The following RSPO2 variants were observed in gnomAD, a reference collection of about 807,000 sequenced individuals.
The protein encoded by RSPO2 is R-spondin-2.
RSPO2 carries 14 observed loss-of-function variants against 30.9 expected under a neutral mutation model. The ratio of observed to expected loss-of-function variants is 0.45; its 90% CI spans 0.30 to 0.71. The LOEUF (loss-of-function observed/expected upper bound fraction) is 0.71, where lower values mean the gene tolerates loss of function less well. Ranked by LOEUF, RSPO2 falls within the 30% of genes least tolerant of loss-of-function variation. The pLI is 0.08. For synonymous variants in RSPO2, 107 were observed against 96.4 expected (o/e 1.11, Z -0.64); for missense variants, 264 against 301.9 (o/e 0.87, Z 0.93).
Position 107,960,788 on chromosome 8 carries a change from A to C in RSPO2, c.313T>G (p.Phe105Val). 6.2e-7 allele frequency: 1 copy of C among 1,607,442 alleles called. No individual in the cohort carries two copies. Among genetic ancestry groups the C allele is most frequent in the Non-Finnish European group, 8.5e-7 (1 of 1,178,206 alleles). The change falls in exon 4 of 6, where the codon TTT (phenylalanine) becomes GTT (valine). Residue 105 changes from phenylalanine to valine, a missense_variant. Phe to Val is a conservative substitution (Grantham distance 50). Coordinates refer to ENST00000276659, the MANE Select transcript of RSPO2 (RefSeq NM_178565.5). Reference sequence around the variant, plus strand: ...CACTTGGTACAAAAGTCTTTGCTAAAGCAAGAATCACAGTTTTCTATTCTG... The same window carrying C: ...CACTTGGTACAAAAGTCTTTGCTAACGCAAGAATCACAGTTTTCTATTCTG... ...RCRIENCDSC[F>V]SKDFCTKCKV... is the part of the protein sequence containing the mutation.
intron 2 of RSPO2, among the ~76,000 whole-genome samples, chr8:108,006,469 T>C (rs767862917): frequency 2.0e-5 from 3 of 152,066 alleles, no homozygotes; most frequent in Non-Finnish European, 4.4e-5. Flanking sequence ...TTTTGGTCTG[T>C]TAAAAATAGG....
intron 2 of RSPO2, among the ~76,000 whole-genome samples, chr8:108,077,551 G>GA (rs1224328552): frequency 1.3e-5 from 2 of 151,774 alleles, no homozygotes; most frequent in Non-Finnish European, 2.9e-5. Flanking sequence ...AAAAGGACTA[G>GA]AAAAAAATGA....
At chr8:108,081,969 G>T (rs1276477091) in intron 2 of RSPO2, 9 of 981,050 alleles carry the variant, frequency 9.2e-6, no homozygotes, top group Non-Finnish European at 1.1e-5. Context: ...ATCTATGTTG[G>T]CCTTTTTCTG....
chr8:107,985,665 A>C (rs1026936931), intron 3 of RSPO2, among the ~76,000 whole-genome samples: 7 of 152,176 alleles, frequency 4.6e-5, no homozygotes, highest in African/African-American at 1.7e-4. Flanking sequence ...TACTTTTCTA[A>C]GTTTTCTACA....
intron 5 of RSPO2, among the ~76,000 whole-genome samples, chr8:107,920,686 T>G (rs562426718): frequency 6.6e-6 from 1 of 152,140 alleles, no homozygotes; most frequent in Non-Finnish European, 1.5e-5. Context: ...CAGAAAGACT[T>G]TATTTTAGAA....
chr8:108,081,921 G>T, intron 2 of RSPO2: 1 of 985,274 alleles, frequency 1.0e-6, no homozygotes, highest in Non-Finnish European at 1.2e-6. Context: ...GCTTAATTCA[G>T]AAAGTTCCCA....
chr8:108,079,081 A>G (rs1398726174), intron 2 of RSPO2, among the ~76,000 whole-genome samples: 2 of 152,198 alleles, frequency 1.3e-5, no homozygotes, highest in Non-Finnish European at 2.9e-5. Flanking sequence ...TAAATCAATC[A>G]TAAGTGGTTT....
At chr8:107,925,752 G>A (rs1227113979) in intron 5 of RSPO2, among the ~76,000 whole-genome samples, 6 of 152,172 alleles carry the variant, frequency 3.9e-5, no homozygotes, top group Non-Finnish European at 7.3e-5. Context: ...TCTTATGGCT[G>A]CATAGTATTC....
At chr8:108,083,067 C>T (rs1813265358) in intron 1 of RSPO2, 130 bp downstream of exon 1, 1 of 166,222 alleles carries the variant, frequency 6.0e-6, no homozygotes, top group South Asian at 1.8e-4. Flanking sequence ...TGTGCCGGCG[C>T]TCCGGGGAAA....
intron 5 of RSPO2, among the ~76,000 whole-genome samples, chr8:107,957,296 C>T (rs1046602965): frequency 2.6e-5 from 4 of 152,116 alleles, no homozygotes; most frequent in South Asian, 4.1e-4. Context: ...CTATTTTGAG[C>T]GAATGACATT....
intron 2 of RSPO2, among the ~76,000 whole-genome samples, chr8:108,007,602 A>T (rs1815492800): frequency 6.6e-6 from 1 of 152,216 alleles, no homozygotes; most frequent in African/African-American, 2.4e-5. Context: ...ATAATCACTA[A>T]GTCTCCAATT....
At chr8:107,989,395 T>A (rs1814772477) in intron 2 of RSPO2, 151 bp from the exon 3 acceptor site, 1 of 556,596 alleles carries the variant, frequency 1.8e-6, no homozygotes, top group Admixed American at 4.0e-5. Context: ...TCCCTCTACC[T>A]CCTCCACCCA....
intron 5 of RSPO2, among the ~76,000 whole-genome samples, chr8:107,915,931 G>A (rs145188234): frequency 1.3e-5 from 2 of 152,216 alleles, no homozygotes; most frequent in Admixed American, 6.5e-5. Flanking sequence ...CTACAGCTGT[G>A]TCTACTTATT....
rs1388584539 is a variant in RSPO2, at chr8:107,900,292, AACTAGTTTATCC to A, written c.*771_*782del. On this transcript the variant is annotated 3_prime_UTR_variant, in exon 6 of 6. Transcript: ENST00000276659. ...CTGGTCATTTGACTCTATATACAAAAACTAGTTTATCCTACCCTTACAATGAGAAATAAGCCC... is the reference window on the plus strand; with the variant it reads ...CTGGTCATTTGACTCTATATACAAAATACCCTTACAATGAGAAATAAGCCC... The A allele has an allele frequency of 6.6e-6, 1 of 152,148 alleles. No homozygotes were observed. Among genetic ancestry groups the A allele is most frequent in the Non-Finnish European group, 1.5e-5 (1 of 68,016 alleles). 9.4% of individuals were successfully genotyped at this position (152,148 alleles called of 1,614,324 possible). A position where few individuals can be genotyped will look rare whatever the true frequency, so the allele number is the denominator to read the frequency against.
intron 2 of RSPO2, among the ~76,000 whole-genome samples, chr8:108,003,597 A>G (rs1815355283): frequency 1.3e-5 from 2 of 151,998 alleles, no homozygotes; most frequent in Middle Eastern, 6.8e-3. Flanking sequence ...TTGCTTAACT[A>G]TCCTTACTCT....
chr8:108,001,152 C>A (rs1048653223), intron 2 of RSPO2, among the ~76,000 whole-genome samples: 56 of 151,852 alleles, frequency 3.7e-4, no homozygotes, highest in Non-Finnish European at 6.3e-4. Context: ...AGATCGCGCC[C>A]CTGCACTCCA....
intron 2 of RSPO2, among the ~76,000 whole-genome samples, chr8:108,024,307 C>G (rs1466328631): frequency 6.6e-6 from 1 of 152,120 alleles, no homozygotes; most frequent in Admixed American, 6.6e-5. Context: ...AATGCCCACA[C>G]ACAGGAGAGT....
intron 3 of RSPO2, among the ~76,000 whole-genome samples, chr8:107,980,761 A>G (rs932910690): frequency 1.4e-4 from 22 of 152,130 alleles, no homozygotes; most frequent in African/African-American, 4.8e-4. Context: ...GAAGGGAAGG[A>G]TACACCTGAG....
intron 5 of RSPO2, among the ~76,000 whole-genome samples, chr8:107,917,047 T>G (rs1214298027): frequency 1.3e-5 from 2 of 152,204 alleles, no homozygotes; most frequent in African/African-American, 4.8e-5. Context: ...ATGAAAGGTT[T>G]TTGTTTGTTT....
Sources: allele counts gnomAD v4.1 joint callset (sites outside exome capture counted in the v4.1 genomes callset), GRCh38; gene constraint gnomAD v4.1.1; transcripts MANE v1.5; gene names NCBI Gene and HGNC (gene_info 2026-07-23, HGNC 2026-07-21).